FANK1: variants seen among roughly 807,000 people sequenced by gnomAD.
FANK1 encodes the protein fibronectin type III and ankyrin repeat domains 1.
FANK1 carries 44 observed loss-of-function variants against 45.3 expected under a neutral mutation model. The ratio of observed to expected loss-of-function variants is 0.97; its 90% confidence interval spans 0.76 to 1.25. The LOEUF (loss-of-function observed/expected upper bound fraction) is 1.25. Among genes scored for constraint, FANK1 ranks in the 50% most tolerant of loss-of-function variants. FANK1 has a pLI of 0.00. For missense variants in FANK1, 391 were observed against 424.4 expected (o/e 0.92, Z 0.69); for synonymous variants, 149 against 152.5 (o/e 0.98, Z 0.17).
At chr10:125,947,356 A>G (rs1178531564) in intron 1 of FANK1, among the ~76,000 whole-genome samples, 1 of 150,108 alleles carries the variant, frequency 6.7e-6, no homozygotes, top group Non-Finnish European at 1.5e-5. Context: ...AGTGTGCTGT[A>G]TTCAGGAAAC....
At chr10:125,968,211 G>A (rs1441870127) in intron 1 of FANK1, among the ~76,000 whole-genome samples, 10 of 151,992 alleles carry the variant, frequency 6.6e-5, no homozygotes, top group Admixed American at 6.6e-4. Context: ...TCTCACCTTG[G>A]CCTCCAAAAG....
In FANK1 at chr10:125,919,195, ATTTTTTTTT is replaced by A. The variant is rs142716284; in HGVS notation, c.13+22560_13+22568del. Among the ~76,000 whole-genome samples the A allele has an allele frequency of 9.6e-4, 50 of 51,876 alleles. 1 individual carries two copies. Among genetic ancestry groups the A allele is most frequent in the Admixed American group, 1.1e-3 (3 of 2,790 alleles). The allele number at this position is 51,876 out of a possible 152,430, so 34.0% of individuals were successfully genotyped here. On this transcript the variant is annotated intron_variant, in intron 1 of 10. Coordinates refer to ENST00000368693, the MANE Select transcript of FANK1 (RefSeq NM_145235.5). ...AGTAAAATACTTCCAGGAGGTAAGA[ATTTTTTTTT>A]TTTTTTTTTTTTTTTTTTTGTGACA...
At chr10:125,920,992 C>T (rs1350601080) in intron 1 of FANK1, among the ~76,000 whole-genome samples, 3 of 152,174 alleles carry the variant, frequency 2.0e-5, no homozygotes, top group Non-Finnish European at 4.4e-5. Context: ...CTTCCTGCTT[C>T]CTCTCCGGTG....
At chr10:125,926,088 C>T (rs1278261519) in intron 1 of FANK1, among the ~76,000 whole-genome samples, 1 of 151,988 alleles carries the variant, frequency 6.6e-6, no homozygotes, top group East Asian at 1.9e-4. Flanking sequence ...AAAATTTATC[C>T]TCCTCCTGGG....
rs550202439 is a variant in FANK1 at position 125,912,866 on chromosome 10, C to G, written c.13+16211C>G. Among the ~76,000 whole-genome samples, 32 of 152,326 alleles carry G rather than the reference C, an allele frequency of 2.1e-4. No homozygotes were observed. In the South Asian group the frequency reaches 6.4e-3, roughly 31 times the overall value. On this transcript the variant is annotated intron_variant, in intron 1 of 10. Coordinates refer to ENST00000368693, the MANE Select transcript of FANK1 (RefSeq NM_145235.5). ...GCCAGGCAAGTCTCAAACTCCTGAC[C>G]TCAAGTGATCCGCCCGTCTCGGCCT... is the stretch of plus-strand genomic sequence containing the variant.
chr10:125,988,537 C>T lies in FANK1; in HGVS notation c.192-14C>T. 6.2e-7 allele frequency: 1 copy of T among 1,612,354 alleles called. No homozygotes were observed. The highest frequency in any genetic ancestry group is 8.5e-7 in the Non-Finnish European group (1 of 1,178,738). Reference sequence around the variant, plus strand: ...TACCTGGTGTTATCAGCATGTTTGTCTCCTCCTGTCTAGGGGATATGCAAC... The same window carrying T: ...TACCTGGTGTTATCAGCATGTTTGTTTCCTCCTGTCTAGGGGATATGCAAC... On this transcript the variant is annotated splice_polypyrimidine_tract_variant and intron_variant, in intron 2 of 10. Coordinates refer to ENST00000368693, the MANE Select transcript of FANK1 (RefSeq NM_145235.5).
intron 1 of FANK1, among the ~76,000 whole-genome samples, chr10:125,970,551 G>A (rs372679139): frequency 1.3e-5 from 2 of 152,218 alleles, no homozygotes; most frequent in African/African-American, 4.8e-5. Flanking sequence ...GCGAGACTCC[G>A]TCTGCAATCC....
intron 1 of FANK1, among the ~76,000 whole-genome samples, chr10:125,933,795 A>AAGAG (rs1947902856): frequency 6.6e-6 from 1 of 152,042 alleles, no homozygotes; most frequent in Non-Finnish European, 1.5e-5. Flanking sequence ...TCTTAGCACC[A>AAGAG]CCTTTGCTGT....
chr10:125,911,613 C>T (rs952926773), intron 1 of FANK1, among the ~76,000 whole-genome samples: 1 of 152,228 alleles, frequency 6.6e-6, no homozygotes, highest in African/African-American at 2.4e-5. Flanking sequence ...AAATCACTCT[C>T]CTCTAGACGG....
At chr10:125,946,271 G>A (rs1326136415) in intron 1 of FANK1, among the ~76,000 whole-genome samples, 1 of 151,480 alleles carries the variant, frequency 6.6e-6, no homozygotes, top group African/African-American at 2.4e-5. Flanking sequence ...TGACTTTGAC[G>A]AGCTGAGAGA....
intron 1 of FANK1, among the ~76,000 whole-genome samples, chr10:125,934,651 G>A (rs1400799705): frequency 1.4e-5 from 2 of 143,138 alleles, no homozygotes; most frequent in African/African-American, 5.2e-5. Flanking sequence ...TTAGCATTGT[G>A]TACTGAGCTC....
intron 4 of FANK1, among the ~76,000 whole-genome samples, chr10:125,996,317 A>C (rs1196636271): frequency 6.6e-6 from 1 of 152,252 alleles, no homozygotes; most frequent in African/African-American, 2.4e-5. Flanking sequence ...ATTTTAAGTG[A>C]AATTACATCA....
At chr10:126,001,511 C>CTTGT (rs951087901) in intron 6 of FANK1, among the ~76,000 whole-genome samples, 1 of 152,168 alleles carries the variant, frequency 6.6e-6, no homozygotes, top group African/African-American at 2.4e-5. Context: ...TTCTGGTGGG[C>CTTGT]TTGTACTAGG....
chr10:125,966,850 C>T (rs1474336622), intron 1 of FANK1, among the ~76,000 whole-genome samples: 4 of 152,062 alleles, frequency 2.6e-5, no homozygotes, highest in Admixed American at 2.6e-4. Context: ...GTTTTTTCCC[C>T]CTTTATTCAG....
chr10:125,979,153 G>A (rs764916936), intron 1 of FANK1, among the ~76,000 whole-genome samples: 2 of 152,198 alleles, frequency 1.3e-5, no homozygotes, highest in African/African-American at 2.4e-5. Context: ...CCCTGGCTCC[G>A]TGCTGACCCC....
Position 125,968,080 on chromosome 10 carries a change from C to CTT in FANK1, c.14-12070_14-12069dup, listed in dbSNP as rs879713092. On this transcript the variant is annotated intron_variant, in intron 1 of 10. Coordinates refer to ENST00000368693, the MANE Select transcript of FANK1 (RefSeq NM_145235.5). ...TACCTTACAGTTATTTTAATTTCTT[C>CTT]TTTTTTTTTTTTCTTTCTGAGACAG... is the stretch of plus-strand genomic sequence containing the variant. Among the ~76,000 whole-genome samples, 4 of 145,182 alleles carry CTT rather than the reference C, an allele frequency of 2.8e-5. No homozygotes were observed. The East Asian group carries it at 8.1e-4, about 29-fold the overall frequency.
intron 1 of FANK1, among the ~76,000 whole-genome samples, chr10:125,943,804 G>T (rs1443294639): frequency 2.6e-5 from 4 of 152,238 alleles, no homozygotes; most frequent in African/African-American, 4.8e-5. Flanking sequence ...TACATGTAAT[G>T]TAAAAGATAA....
chr10:125,960,037 C>T (rs1262634120), intron 1 of FANK1, among the ~76,000 whole-genome samples: 1 of 152,164 alleles, frequency 6.6e-6, no homozygotes, highest in East Asian at 1.9e-4. Flanking sequence ...TAGAAACTCA[C>T]CAATTTCTGT....
At chr10:125,913,486 T>G (rs113380615) in intron 1 of FANK1, among the ~76,000 whole-genome samples, 44 of 152,350 alleles carry the variant, frequency 2.9e-4, no homozygotes, top group African/African-American at 1.1e-3. Flanking sequence ...GTAACTTGAT[T>G]ACAGATAACT....
Sources: gnomAD v4.1 joint callset for allele counts (sites outside exome capture counted in the v4.1 genomes callset) on GRCh38, gnomAD v4.1.1 for gene constraint, MANE v1.5 for transcripts, NCBI Gene and HGNC (gene_info 2026-07-23, HGNC 2026-07-21) for gene names.